Variants in CNTN5 observed in about 807,000 individuals in gnomAD.
CNTN5 encodes the protein contactin-5.
CNTN5 carries 77 observed loss-of-function variants against 129.1 expected under a neutral mutation model. The observed-to-expected ratio is 0.60, with a 90% confidence interval of 0.50 to 0.72. CNTN5 has a LOEUF of 0.72. CNTN5 is among the 30% of genes least tolerant of loss of function. CNTN5 has a pLI of 0.00. For synonymous variants in CNTN5, 509 were observed against 465.6 expected (o/e 1.09, Z -1.20); for missense variants, 1,478 against 1,328.8 (o/e 1.11, Z -1.75).
chr11:99,102,902 AATG>A (rs1405718899), intron 1 of CNTN5, among the ~76,000 whole-genome samples: 4 of 152,102 alleles, frequency 2.6e-5, no homozygotes, highest in Admixed American at 1.3e-4. Flanking sequence ...TCACGGTGCT[AATG>A]ATGACAGACT....
intron 3 of CNTN5, among the ~76,000 whole-genome samples, chr11:99,741,038 C>T (rs1943873260): frequency 6.6e-6 from 1 of 152,102 alleles, no homozygotes; most frequent in African/African-American, 2.4e-5. Flanking sequence ...AACACTTTAG[C>T]TCAGAATATT....
At chr11:99,084,978 A>T (rs1043466425) in intron 1 of CNTN5, among the ~76,000 whole-genome samples, 2 of 152,110 alleles carry the variant, frequency 1.3e-5, no homozygotes, top group East Asian at 3.8e-4. Flanking sequence ...GCAAAGTTTA[A>T]TTTTCATTTT....
rs552909051 is a variant in CNTN5 at position 99,757,525 on chromosome 11, T to C, written c.56-62019T>C. Among the ~76,000 whole-genome samples the C allele has an allele frequency of 2.8e-3, 432 of 152,032 alleles. 1 individual carries two copies. The highest frequency in any genetic ancestry group is 9.8e-3 in the African/African-American group (406 of 41,516). Reference sequence around the variant, plus strand: ...ACATGGAGCTGTGTGGCTCAGTCTGTTTCTGTTTTCTCTCCTTATAAGGAC... The same window carrying C: ...ACATGGAGCTGTGTGGCTCAGTCTGCTTCTGTTTTCTCTCCTTATAAGGAC... On this transcript the variant is annotated intron_variant, in intron 3 of 24. Transcript: ENST00000524871.
In CNTN5 at chr11:99,819,611, A is replaced by G. The variant is rs747707558; in HGVS notation, c.123A>G (p.Ser41=). 5 of 1,612,894 alleles carry G rather than the reference A, an allele frequency of 3.1e-6. No homozygotes were observed. The highest frequency in any genetic ancestry group is 3.4e-6 in the Non-Finnish European group (4 of 1,179,820). Residue 41 remains serine, a synonymous_variant, in exon 4 of 25, where the codon TCA becomes TCG. Transcript: ENST00000524871. ...YAALLRIKKS[S]SSSLFGSKTR... ...CTTTGTTAAGAATTAAGAAGAGTTCATCTTCATCTCTCTTTGGTTCCAAAA... is the reference window on the plus strand; with the variant it reads ...CTTTGTTAAGAATTAAGAAGAGTTCGTCTTCATCTCTCTTTGGTTCCAAAA...
chr11:99,949,883 C>T (rs936262099), intron 7 of CNTN5, among the ~76,000 whole-genome samples: 34 of 152,218 alleles, frequency 2.2e-4, no homozygotes, highest in African/African-American at 6.7e-4. Flanking sequence ...TCTTATTATA[C>T]ATATTATTTT....
intron 2 of CNTN5, among the ~76,000 whole-genome samples, chr11:99,373,365 G>C (rs1049793578): frequency 1.3e-5 from 2 of 152,008 alleles, no homozygotes; most frequent in African/African-American, 4.8e-5. Context: ...CATCTTGGAG[G>C]CTGATTACCC....
At chr11:100,055,222 G>A (rs954636800) in intron 9 of CNTN5, among the ~76,000 whole-genome samples, 11 of 151,398 alleles carry the variant, frequency 7.3e-5, no homozygotes, top group South Asian at 4.2e-4. Flanking sequence ...GAAGCTCATC[G>A]ATATCTTAAC....
intron 8 of CNTN5, among the ~76,000 whole-genome samples, chr11:99,998,144 G>T (rs1015320810): frequency 6.6e-6 from 1 of 151,742 alleles, no homozygotes; most frequent in Non-Finnish European, 1.5e-5. Flanking sequence ...AGTGTTGGAA[G>T]TTCTGGGCAG....
At chr11:99,636,961 G>A (rs186966819) in intron 3 of CNTN5, among the ~76,000 whole-genome samples, 1,494 of 40,906 alleles carry the variant, frequency 0.037, 359 homozygotes, top group African/African-American at 0.088. Flanking sequence ...TGCAGTGAGC[G>A]AAGATCATGC....
intron 3 of CNTN5, among the ~76,000 whole-genome samples, chr11:99,630,487 C>T (rs1951302895): frequency 6.6e-6 from 1 of 151,934 alleles, no homozygotes. Context: ...CATTAGCTGT[C>T]TTTCACCACC....
At chr11:100,216,897 A>G (rs183646217) in intron 15 of CNTN5, among the ~76,000 whole-genome samples, 1 of 152,282 alleles carries the variant, frequency 6.6e-6, no homozygotes, top group East Asian at 1.9e-4. Flanking sequence ...GGGGTTTCCT[A>G]GATGGCACAG....
At chr11:99,213,368 ATATAT>A (rs1859925010) in intron 1 of CNTN5, among the ~76,000 whole-genome samples, 1 of 135,982 alleles carries the variant, frequency 7.4e-6, no homozygotes, top group African/African-American at 3.0e-5. Context: ...GTATATATGT[ATATAT>A]GTATATACAT....
At chr11:100,151,657 A>C (rs959985759) in intron 13 of CNTN5, among the ~76,000 whole-genome samples, 1 of 152,152 alleles carries the variant, frequency 6.6e-6, no homozygotes, top group African/African-American at 2.4e-5. Flanking sequence ...AGGTCCTTAA[A>C]TCTATTCCCG....
At chr11:100,042,804 AT>A (rs1274823137) in intron 9 of CNTN5, among the ~76,000 whole-genome samples, 1 of 152,168 alleles carries the variant, frequency 6.6e-6, no homozygotes, top group East Asian at 1.9e-4. Flanking sequence ...ATTAAGAGAT[AT>A]TTTTGAGCCA....
At chr11:99,377,923 T>G (rs930769987) in intron 2 of CNTN5, among the ~76,000 whole-genome samples, 7 of 152,126 alleles carry the variant, frequency 4.6e-5, no homozygotes, top group Non-Finnish European at 1.5e-5. Flanking sequence ...TCCCATTTCC[T>G]CATTTGGTCT....
intron 2 of CNTN5, among the ~76,000 whole-genome samples, chr11:99,458,992 T>C (rs988574933): frequency 6.6e-6 from 1 of 152,072 alleles, no homozygotes; most frequent in African/African-American, 2.4e-5. Flanking sequence ...CGAAGTCAGC[T>C]TTGTAAGTTA....
intron 1 of CNTN5, among the ~76,000 whole-genome samples, chr11:99,135,630 T>C (rs755521523): frequency 2.2e-5 from 1 of 45,034 alleles, no homozygotes; most frequent in Non-Finnish European, 3.9e-5. Flanking sequence ...TCTTTGATTG[T>C]CATAAAGTTT....
intron 13 of CNTN5, among the ~76,000 whole-genome samples, chr11:100,161,392 T>C (rs1397822952): frequency 6.6e-6 from 1 of 151,966 alleles, no homozygotes; most frequent in Non-Finnish European, 1.5e-5. Context: ...TACCTGCAGA[T>C]TGACATTGCA....
At chr11:99,868,650 A>C (rs1296041835) in intron 6 of CNTN5, among the ~76,000 whole-genome samples, 1 of 152,198 alleles carries the variant, frequency 6.6e-6, no homozygotes, top group African/African-American at 2.4e-5. Flanking sequence ...AATATGCTGA[A>C]AGAGGCGAAA....
Sources: gnomAD v4.1 joint callset for allele counts (sites outside exome capture counted in the v4.1 genomes callset) on GRCh38, gnomAD v4.1.1 for gene constraint, MANE v1.5 for transcripts, NCBI Gene and HGNC (gene_info 2026-07-23, HGNC 2026-07-21) for gene names.